NFIB: variants seen among roughly 807,000 people sequenced by gnomAD.
NFIB encodes nuclear factor I B, also known as nuclear factor 1 B-type.
NFIB carries 11 observed loss-of-function variants against 61.5 expected under a neutral mutation model. The observed-to-expected ratio is 0.18, with a 90% CI of 0.11 to 0.30. NFIB has a LOEUF of 0.30. Among genes scored for constraint, NFIB ranks in the 10% least tolerant of loss-of-function variants. NFIB has a pLI of 1.00. For missense variants in NFIB, 471 were observed against 608.9 expected, an observed-to-expected ratio of 0.77 and a Z score of 2.38; for synonymous variants, 260 against 216.5, an observed-to-expected ratio of 1.20 and a Z score of -1.76.
the NFIB span, among the ~76,000 whole-genome samples, chr9:14,498,794 C>CTTTTG: frequency 1.9e-5 from 1 of 53,390 alleles, no homozygotes; most frequent in African/African-American, 1.0e-4. Context: ...TCCCTCCCTC[C>CTTTTG]CTCCCTTCCT....
At chr9:14,527,928 G>A in the NFIB span, among the ~76,000 whole-genome samples, 30 of 152,004 alleles carry the variant, frequency 2.0e-4, no homozygotes, top group South Asian at 4.8e-3. Context: ...GTCTAGCTGC[G>A]GTTATTAGGT....
At chr9:14,140,180 G>C (rs1283291644) in intron 6 of NFIB, among the ~76,000 whole-genome samples, 1 of 152,182 alleles carries the variant, frequency 6.6e-6, no homozygotes, top group Non-Finnish European at 1.5e-5. Context: ...TCCCCAAAGA[G>C]AACTTTAAAA....
intron 2 of NFIB, among the ~76,000 whole-genome samples, chr9:14,279,069 G>A (rs2058196436): frequency 6.6e-6 from 1 of 152,118 alleles, no homozygotes; most frequent in Non-Finnish European, 1.5e-5. Flanking sequence ...CACACAGAGA[G>A]AGAGACGGAC....
intron 2 of NFIB, among the ~76,000 whole-genome samples, chr9:14,217,252 C>A (rs1202243246): frequency 6.6e-6 from 1 of 152,164 alleles, no homozygotes; most frequent in East Asian, 1.9e-4. Flanking sequence ...CACTTAACAG[C>A]AGATAGAATC....
intron 1 of NFIB, among the ~76,000 whole-genome samples, chr9:14,387,325 A>C (rs1293327188): frequency 6.6e-6 from 1 of 152,204 alleles, no homozygotes; most frequent in Non-Finnish European, 1.5e-5. Context: ...TTGGTACTAA[A>C]ATATTATTAC....
intron 3 of NFIB, among the ~76,000 whole-genome samples, chr9:14,166,114 G>A (rs1465075300): frequency 6.6e-6 from 1 of 152,136 alleles, no homozygotes; most frequent in East Asian, 1.9e-4. Context: ...TGACATTTAT[G>A]TCTGTCATCT....
At chr9:14,170,090 T>C (rs184669332) in intron 3 of NFIB, among the ~76,000 whole-genome samples, 129 of 152,322 alleles carry the variant, frequency 8.5e-4, no homozygotes, top group Non-Finnish European at 1.6e-3. Context: ...TATGCTTAAA[T>C]ATACAAGTGA....
chr9:14,127,836 G>A (rs895035923), intron 6 of NFIB, among the ~76,000 whole-genome samples: 9 of 151,686 alleles, frequency 5.9e-5, no homozygotes, highest in Admixed American at 2.0e-4. Context: ...AATGCCAGGC[G>A]GATTTGTAGC....
At chr9:14,320,576 G>T (rs766209360) in intron 1 of NFIB, among the ~76,000 whole-genome samples, 33 of 152,252 alleles carry the variant, frequency 2.2e-4, no homozygotes, top group Non-Finnish European at 3.2e-4. Context: ...TTTTACTTAG[G>T]ATGCTTAAAG....
At chr9:14,515,039 T>G in the NFIB span, among the ~76,000 whole-genome samples, 3 of 152,176 alleles carry the variant, frequency 2.0e-5, no homozygotes, top group Non-Finnish European at 2.9e-5. Flanking sequence ...TAGCAGAGAA[T>G]TGAGACTAAA....
At chr9:14,468,281 C>T in the NFIB span, among the ~76,000 whole-genome samples, 1 of 152,136 alleles carries the variant, frequency 6.6e-6, no homozygotes, top group Non-Finnish European at 1.5e-5. Context: ...TAAAGGTAAC[C>T]AATGCAGACA....
At chr9:14,097,618 C>T (rs2035013794) in intron 10 of NFIB, among the ~76,000 whole-genome samples, 2 of 152,128 alleles carry the variant, frequency 1.3e-5, no homozygotes, top group South Asian at 4.1e-4. Context: ...GATATACACA[C>T]ACACTACATA....
chr9:14,519,618 G>T, the NFIB span, among the ~76,000 whole-genome samples: 1 of 151,990 alleles, frequency 6.6e-6, no homozygotes, highest in Non-Finnish European at 1.5e-5. Context: ...ATTTTACTGC[G>T]GTGCGTTGTG....
At chr9:14,143,497 G>C (rs10961392) in intron 6 of NFIB, among the ~76,000 whole-genome samples, 5,241 of 152,014 alleles carry the variant, frequency 0.034, 318 homozygotes, top group East Asian at 0.22. Flanking sequence ...ATTTTGCTAA[G>C]GGCTATGTCA....
At chr9:14,261,015 A>G (rs2132234322) in intron 2 of NFIB, among the ~76,000 whole-genome samples, 1 of 152,286 alleles carries the variant, frequency 6.6e-6, no homozygotes, top group South Asian at 2.1e-4. Flanking sequence ...TCAAGACAAC[A>G]GCATTTAAGA....
At chr9:14,214,680 G>A (rs1377087486) in intron 2 of NFIB, among the ~76,000 whole-genome samples, 1 of 152,184 alleles carries the variant, frequency 6.6e-6, no homozygotes, top group Admixed American at 6.5e-5. Context: ...CAACATTTTT[G>A]AACTTCATGG....
chr9:14,474,294 C>T, the NFIB span, among the ~76,000 whole-genome samples: 15 of 152,234 alleles, frequency 9.9e-5, no homozygotes, highest in Middle Eastern at 3.4e-3. Flanking sequence ...TCATGGATGG[C>T]TGCCTTCTTG....
At chr9:14,225,414 G>A (rs1353290102) in intron 2 of NFIB, among the ~76,000 whole-genome samples, 12 of 125,386 alleles carry the variant, frequency 9.6e-5, no homozygotes, top group East Asian at 5.3e-4. Flanking sequence ...CCGAGATCCC[G>A]CCACTGCACT....
chr9:14,432,347 T>C, the NFIB span, among the ~76,000 whole-genome samples: 183 of 152,338 alleles, frequency 1.2e-3, no homozygotes, highest in African/African-American at 4.2e-3. Flanking sequence ...TTGGTTCTGG[T>C]CATCTTTTAT....
Sources: allele counts gnomAD v4.1 joint callset (sites outside exome capture counted in the v4.1 genomes callset), GRCh38; gene constraint gnomAD v4.1.1; transcripts MANE v1.5; gene names NCBI Gene and HGNC (gene_info 2026-07-23, HGNC 2026-07-21).